The following PHACTR3 variants were observed in gnomAD, a reference collection of about 807,000 sequenced individuals.
The protein encoded by PHACTR3 is protein phosphatase 1, regulatory subunit 123.
In PHACTR3, 16 loss-of-function variants were observed where a neutral mutation model predicts 66.8. The ratio of observed to expected loss-of-function variants is 0.24; its 90% CI spans 0.16 to 0.36. The LOEUF (loss-of-function observed/expected upper bound fraction) is 0.36. Ranked by LOEUF, PHACTR3 falls within the 10% of genes least tolerant of loss-of-function variation. The probability of loss-of-function intolerance (pLI) is 1.00; values close to 1 mark genes in which losing one functional copy is unlikely to be tolerated. For missense variants in PHACTR3, 647 were observed against 719.9 expected (o/e 0.90, Z 1.16); for synonymous variants, 323 against 292.1 (o/e 1.11, Z -1.08).
At chr20:59,826,311 C>T (rs941591730) in intron 8 of PHACTR3, among the ~76,000 whole-genome samples, 32 of 152,290 alleles carry the variant, frequency 2.1e-4, no homozygotes, top group African/African-American at 7.5e-4. Context: ...GTCCTGGTGG[C>T]TGAGCACAGA....
chr20:59,746,303 G>A (rs1483549665), intron 2 of PHACTR3, among the ~76,000 whole-genome samples: 4 of 152,186 alleles, frequency 2.6e-5, no homozygotes, highest in Non-Finnish European at 5.9e-5. Flanking sequence ...CCCGCCCCAG[G>A]CCTGACTTAT....
intron 1 of PHACTR3, among the ~76,000 whole-genome samples, chr20:59,647,521 G>C (rs768402287): frequency 2.0e-5 from 3 of 152,172 alleles, no homozygotes; most frequent in Non-Finnish European, 4.4e-5. Flanking sequence ...CCATTGGCAG[G>C]ACTGAGCAGC....
At chr20:59,832,662 G>C (rs2042417416) in intron 8 of PHACTR3, among the ~76,000 whole-genome samples, 1 of 152,116 alleles carries the variant, frequency 6.6e-6, no homozygotes, top group Non-Finnish European at 1.5e-5. Context: ...TGCCGCTCTG[G>C]GGTTCCAGGA....
At chr20:59,781,948 T>C (rs1190698733) in intron 7 of PHACTR3, among the ~76,000 whole-genome samples, 1 of 152,168 alleles carries the variant, frequency 6.6e-6, no homozygotes, top group Non-Finnish European at 1.5e-5. Context: ...TTCCCGGCTT[T>C]ATAGATTTTT....
At chr20:59,628,482 T>C in intron 1 of PHACTR3, 1 of 254,320 alleles carries the variant, frequency 3.9e-6, no homozygotes, top group Non-Finnish European at 6.2e-6. Flanking sequence ...AGCCTGCACG[T>C]GAATGGAGGC....
intron 7 of PHACTR3, among the ~76,000 whole-genome samples, chr20:59,777,808 G>T (rs1043250116): frequency 6.6e-6 from 1 of 152,162 alleles, no homozygotes; most frequent in Non-Finnish European, 1.5e-5. Flanking sequence ...GCACCTGTTG[G>T]TTGTGTGGCT....
At chr20:59,635,140 T>TTTC (rs2034817038) in intron 1 of PHACTR3, among the ~76,000 whole-genome samples, 1 of 65,862 alleles carries the variant, frequency 1.5e-5, no homozygotes, top group Non-Finnish European at 3.1e-5. Context: ...TCTTTCTTTC[T>TTTC]TTCTTTCTTT....
intron 1 of PHACTR3, among the ~76,000 whole-genome samples, chr20:59,598,907 G>A (rs2033398576): frequency 6.6e-6 from 1 of 152,194 alleles, no homozygotes; most frequent in Non-Finnish European, 1.5e-5. Flanking sequence ...TTGGGTCCTG[G>A]AACTCCCACA....
intron 1 of PHACTR3, among the ~76,000 whole-genome samples, chr20:59,706,803 C>G (rs901348091): frequency 2.0e-5 from 3 of 152,132 alleles, no homozygotes; most frequent in African/African-American, 7.2e-5. Context: ...AGCAGGGAAA[C>G]CATGCCCAGC....
At chr20:59,636,320 G>A (rs1353211741) in intron 1 of PHACTR3, among the ~76,000 whole-genome samples, 1 of 152,152 alleles carries the variant, frequency 6.6e-6, no homozygotes, top group Non-Finnish European at 1.5e-5. Context: ...TTCAATGAGG[G>A]CCTACTATGA....
intron 1 of PHACTR3, among the ~76,000 whole-genome samples, chr20:59,632,513 C>T (rs905941974): frequency 6.6e-6 from 1 of 152,190 alleles, no homozygotes; most frequent in Non-Finnish European, 1.5e-5. Flanking sequence ...CCCAACCCAG[C>T]TGGAGCCTGA....
chr20:59,759,065 G>A (rs1000812330), intron 4 of PHACTR3, among the ~76,000 whole-genome samples: 9 of 152,140 alleles, frequency 5.9e-5, no homozygotes, highest in African/African-American at 9.7e-5. Context: ...GGAAAGGGAC[G>A]CACTAACACG....
intron 1 of PHACTR3, among the ~76,000 whole-genome samples, chr20:59,688,741 A>G (rs1427984606): frequency 3.9e-5 from 6 of 152,070 alleles, no homozygotes; most frequent in Non-Finnish European, 8.8e-5. Flanking sequence ...GTTGTTTGGA[A>G]CACAGTGGGG....
chr20:59,668,392 G>A (rs1381782036), intron 1 of PHACTR3, among the ~76,000 whole-genome samples: 1 of 152,126 alleles, frequency 6.6e-6, no homozygotes, highest in Non-Finnish European at 1.5e-5. Flanking sequence ...GGTTAGAGGT[G>A]GACATGTACA....
At chr20:59,717,749 A>C (rs2146667748) in intron 1 of PHACTR3, among the ~76,000 whole-genome samples, 1 of 152,326 alleles carries the variant, frequency 6.6e-6, no homozygotes, top group East Asian at 1.9e-4. Flanking sequence ...TTGCTATATA[A>C]AGGTGTGGTT....
intron 1 of PHACTR3, among the ~76,000 whole-genome samples, chr20:59,636,099 G>T (rs1051349952): frequency 2.6e-5 from 4 of 152,174 alleles, no homozygotes; most frequent in African/African-American, 7.2e-5. Flanking sequence ...GCGAAAAATT[G>T]CTTGTCTATA....
intron 1 of PHACTR3, among the ~76,000 whole-genome samples, chr20:59,578,407 C>T (rs556083818): frequency 2.0e-5 from 3 of 152,298 alleles, no homozygotes; most frequent in African/African-American, 4.8e-5. Flanking sequence ...GTGAGGATAC[C>T]GGGGGCACTT....
chr20:59,805,569 G>C (rs1273416646), intron 7 of PHACTR3, among the ~76,000 whole-genome samples: 1 of 152,150 alleles, frequency 6.6e-6, no homozygotes, highest in Non-Finnish European at 1.5e-5. Flanking sequence ...GAGATGACAT[G>C]GAGACCCTAG....
At chr20:59,649,271 A>G (rs2035384243) in intron 1 of PHACTR3, among the ~76,000 whole-genome samples, 1 of 152,218 alleles carries the variant, frequency 6.6e-6, no homozygotes, top group African/African-American at 2.4e-5. Context: ...AAACAACTCT[A>G]TTTAATTCTT....
Sources: allele counts gnomAD v4.1 joint callset (sites outside exome capture counted in the v4.1 genomes callset), GRCh38; gene constraint gnomAD v4.1.1; transcripts MANE v1.5; gene names NCBI Gene and HGNC (gene_info 2026-07-23, HGNC 2026-07-21).